The following RBM10 variants were observed in gnomAD, a reference collection of about 807,000 sequenced individuals.
The protein encoded by RBM10 is RNA binding motif protein 10.
Under a neutral mutation model 84.9 loss-of-function variants are expected in RBM10, and 1 was observed. The ratio of observed to expected loss-of-function variants is 0.01; its 90% CI spans 0.00 to 0.06. The LOEUF is 0.06. Among genes scored for constraint, RBM10 ranks in the 10% least tolerant of loss-of-function variants. The probability of loss-of-function intolerance (pLI) is 1.00; values close to 1 mark genes in which losing one functional copy is unlikely to be tolerated. For synonymous variants in RBM10, 326 were observed against 344.5 expected, an observed-to-expected ratio of 0.95 and a Z score of 0.60; for missense variants, 438 against 839.0, an observed-to-expected ratio of 0.52 and a Z score of 5.90.
At chrX:47,180,125 C>A (rs1397764033) in intron 10 of RBM10, 85 bp downstream of exon 10, 5 of 1,187,479 alleles carry the variant, frequency 4.2e-6, no homozygotes, top group Non-Finnish European at 4.6e-6. Flanking sequence ...AGCCTCCCAC[C>A]GCGGCTGCCA....
chrX:47,179,553 G>A (rs2147170552), intron 9 of RBM10, 58 bp downstream of exon 9: 2 of 1,126,374 alleles, frequency 1.8e-6, no homozygotes, highest in East Asian at 3.1e-5. Context: ...GGCTCACCAA[G>A]ACCAGAGAAA....
intron 2 of RBM10, among the ~76,000 whole-genome samples, chrX:47,163,841 T>G (rs1429947011): frequency 1.3e-5 from 1 of 74,311 alleles, no homozygotes; most frequent in African/African-American, 5.4e-5. Context: ...TACAGGCGCC[T>G]GCCACCACGC....
At chrX:47,158,194 C>A in intron 2 of RBM10, 1 of 222,102 alleles carries the variant, frequency 4.5e-6, no homozygotes, top group Non-Finnish European at 8.4e-6. Flanking sequence ...TCATAAAGGT[C>A]TATATCTTCC....
intron 2 of RBM10, among the ~76,000 whole-genome samples, chrX:47,166,706 C>G (rs1480523189): frequency 9.1e-6 from 1 of 109,546 alleles, no homozygotes; most frequent in Admixed American, 9.8e-5. Flanking sequence ...GTCTTGGCCT[C>G]GAGCAATCCT....
chrX:47,159,434 G>A (rs1041110728), intron 2 of RBM10, among the ~76,000 whole-genome samples: 1 of 105,845 alleles, frequency 9.4e-6, no homozygotes, highest in Admixed American at 1.0e-4. Flanking sequence ...AAAAAGTGCC[G>A]CTTTGAACAT....
chrX:47,158,139 T>G, intron 2 of RBM10: 1 of 234,981 alleles, frequency 4.3e-6, no homozygotes, highest in Non-Finnish European at 7.8e-6. Flanking sequence ...AAATTGAGCT[T>G]CTTGATTTTC....
chrX:47,185,227 C>A, intron 18 of RBM10, 23 bp downstream of exon 18: 1 of 1,212,279 alleles, frequency 8.2e-7, no homozygotes, highest in Non-Finnish European at 1.1e-6. Flanking sequence ...CACCCCCCTG[C>A]ACCCTGCCCC....
rs1466639676 is a variant in RBM10 at position 47,186,050 on chromosome X, C to T, written c.2431-15C>T. Reference sequence around the variant, plus strand: ...ACCAGCTCCCCAACATTCACATACACATACAAACTTTCAGCAAATGAAGTA... The same window carrying T: ...ACCAGCTCCCCAACATTCACATACATATACAAACTTTCAGCAAATGAAGTA... On this transcript the variant is annotated splice_polypyrimidine_tract_variant and intron_variant, in intron 21 of 23. Coordinates refer to ENST00000377604, the MANE Select transcript of RBM10 (RefSeq NM_005676.5). The T allele has an allele frequency of 8.3e-7, 1 of 1,208,644 alleles. No individual in the cohort carries two copies. Among genetic ancestry groups the T allele is most frequent in the African/African-American group, 1.7e-5 (1 of 57,631 alleles).
At chrX:47,155,006 G>A (rs1932974287) in intron 2 of RBM10, among the ~76,000 whole-genome samples, 1 of 107,668 alleles carries the variant, frequency 9.3e-6, no homozygotes, top group East Asian at 3.0e-4. Context: ...AATTAGCTGG[G>A]TGTGGTGGCA....
chrX:47,152,771 A>G (rs1206167892), intron 2 of RBM10, among the ~76,000 whole-genome samples: 1 of 80,338 alleles, frequency 1.2e-5, no homozygotes, highest in Non-Finnish European at 2.2e-5. Flanking sequence ...ATATCTTTAC[A>G]TAGACACACA....
chrX:47,182,765 C>T (rs1428411088), intron 17 of RBM10, among the ~76,000 whole-genome samples: 2 of 112,577 alleles, frequency 1.8e-5, no homozygotes, highest in African/African-American at 3.2e-5. Context: ...ACACTGTGAG[C>T]GTAGCGTTTA....
chrX:47,181,607 C>T lies in RBM10; in HGVS notation c.1536C>T (p.Ala512=), dbSNP rs143917116. The T allele has an allele frequency of 3.7e-3, 4,456 of 1,205,499 alleles. 14 individuals are homozygous for T. Among genetic ancestry groups the T allele is most frequent in the Non-Finnish European group, 4.6e-3 (4,135 of 893,295 alleles). The part of the protein sequence containing the change: ...GAAPGIYQQS[A]EASSSQGTAA... ...CTCCTGGCATCTACCAACAATCAGCCGAGGCGAGCAGTAGCCAGGGCACTG... is the reference window on the plus strand; with the variant it reads ...CTCCTGGCATCTACCAACAATCAGCTGAGGCGAGCAGTAGCCAGGGCACTG... Residue 512 remains alanine (A), a synonymous_variant, in exon 14 of 24, where the codon GCC becomes GCT. Coordinates refer to ENST00000377604, the MANE Select transcript of RBM10 (RefSeq NM_005676.5).
At chrX:47,157,554 A>G in intron 2 of RBM10, 2 of 431,825 alleles carry the variant, frequency 4.6e-6, no homozygotes, top group South Asian at 6.3e-5. Flanking sequence ...AATCTTCCAG[A>G]TGAGTTTGCA....
rs1202808686 is a variant in RBM10 at position 47,159,721 on chromosome X, AG to A, written c.18-9589del. ...TTGACAAAATCAACAAAAGTAAGCA[AG>A]GGGGAAAGGACTCCCTGTTCAATAA... On this transcript the variant is annotated intron_variant, in intron 2 of 23. Coordinates refer to ENST00000377604, the MANE Select transcript of RBM10 (RefSeq NM_005676.5). Among the ~76,000 whole-genome samples the A allele has an allele frequency of 3.6e-5, 4 of 111,910 alleles. No homozygotes were observed. The Admixed American group carries it at 3.8e-4, about 11-fold the overall frequency.
At chrX:47,181,165 C>G in intron 12 of RBM10, 50 bp from the exon 13 acceptor site, 1 of 135,361 alleles carries the variant, frequency 7.4e-6, no homozygotes, top group African/African-American at 4.3e-5. Context: ...TCCCCACCCC[C>G]CACCCCCACA....
At chrX:47,149,596 G>C (rs940150296) in intron 2 of RBM10, among the ~76,000 whole-genome samples, 2 of 110,073 alleles carry the variant, frequency 1.8e-5, no homozygotes, top group African/African-American at 6.6e-5. Context: ...TCGACTTCAG[G>C]TGATCCTCCC....
intron 6 of RBM10, among the ~76,000 whole-genome samples, chrX:47,176,282 C>T (rs1398962916): frequency 9.0e-6 from 1 of 111,339 alleles, no homozygotes; most frequent in African/African-American, 3.3e-5. Context: ...CACATGTGTG[C>T]GTGCGTGTGC....
chrX:47,168,325 G>A (rs1338150476), intron 2 of RBM10, among the ~76,000 whole-genome samples: 1 of 111,270 alleles, frequency 9.0e-6, no homozygotes, highest in Non-Finnish European at 1.9e-5. Flanking sequence ...GAGGTGGGTG[G>A]ATCACTTAAG....
Position 47,185,189 on chromosome X carries a change from C to T in RBM10, c.2085C>T (p.Ala695=), listed in dbSNP as rs2147211600. The T allele has an allele frequency of 8.2e-7, 1 of 1,212,463 alleles. No homozygotes were observed. The highest frequency in any genetic ancestry group is 1.1e-6 in the Non-Finnish European group (1 of 895,633). Reference sequence around the variant, plus strand: ...CAGCCACTGCAGATGCTGGCTATGCCATCCTCGAGAAGAAGGTGTGTTGGG... The same window carrying T: ...CAGCCACTGCAGATGCTGGCTATGCTATCCTCGAGAAGAAGGTGTGTTGGG... ...RESATADAGY[A]ILEKKGALAE... The change falls in exon 18 of 24, where the codon GCC becomes GCT. Residue 695 remains alanine, a synonymous_variant. Coordinates refer to ENST00000377604, the MANE Select transcript of RBM10 (RefSeq NM_005676.5).
Sources: gnomAD v4.1 joint callset for allele counts (sites outside exome capture counted in the v4.1 genomes callset) on GRCh38, gnomAD v4.1.1 for gene constraint, MANE v1.5 for transcripts, NCBI Gene and HGNC (gene_info 2026-07-23, HGNC 2026-07-21) for gene names.